Variants in FRRS1L observed in about 807,000 individuals in gnomAD.
The protein encoded by FRRS1L is ferric chelate reductase 1 like.
A neutral mutation model predicts 28.6 loss-of-function variants in FRRS1L; 22 were observed. The ratio of observed to expected loss-of-function variants is 0.77; its 90% CI spans 0.55 to 1.10. FRRS1L has a LOEUF of 1.10. Among genes scored for constraint, FRRS1L ranks in the 50% least tolerant of loss-of-function variants. The pLI is 0.00. For missense variants in FRRS1L, 380 were observed against 386.9 expected (o/e 0.98, Z 0.15); for synonymous variants, 158 against 151.4 (o/e 1.04, Z -0.32).
At chr9:109,164,735 G>A (rs1481387026) in intron 1 of FRRS1L, among the ~76,000 whole-genome samples, 1 of 152,188 alleles carries the variant, frequency 6.6e-6, no homozygotes, top group Non-Finnish European at 1.5e-5. Flanking sequence ...CAGGTTAGAG[G>A]CAGACTTCAG....
rs1831066716 is a variant in FRRS1L at position 109,132,221 on chromosome 9, C to T, written c.*5234G>A. The T allele has an allele frequency of 6.6e-6, 1 of 152,224 alleles. No individual in the cohort carries two copies. The highest frequency in any genetic ancestry group is 2.4e-5 in the African/African-American group (1 of 41,426). 9.4% of individuals were successfully genotyped at this position (152,224 alleles called of 1,614,324 possible). Reference sequence around the variant, plus strand: ...CGATCTCCTGATCTCGTGATCCGCCCACCTCGGCCTCCCGAAGTGCTGGGA... The same window carrying T: ...CGATCTCCTGATCTCGTGATCCGCCTACCTCGGCCTCCCGAAGTGCTGGGA... On this transcript the variant is annotated 3_prime_UTR_variant, in exon 5 of 5. Coordinates refer to ENST00000561981, the MANE Select transcript of FRRS1L (RefSeq NM_014334.4).
chr9:109,164,560 G>A (rs949565123), intron 1 of FRRS1L, among the ~76,000 whole-genome samples: 4 of 151,894 alleles, frequency 2.6e-5, no homozygotes, highest in Admixed American at 6.6e-5. Context: ...CACCACGCCC[G>A]GCTAATTTTG....
chr9:109,144,173 A>G (rs1831224018), intron 3 of FRRS1L, among the ~76,000 whole-genome samples: 1 of 151,980 alleles, frequency 6.6e-6, no homozygotes, highest in Admixed American at 6.5e-5. Context: ...AAGTAGACTA[A>G]TATCTATCCA....
intron 3 of FRRS1L, among the ~76,000 whole-genome samples, chr9:109,146,221 A>T (rs1831260303): frequency 6.6e-6 from 1 of 151,900 alleles, no homozygotes; most frequent in South Asian, 2.1e-4. Context: ...ACAAACAAAT[A>T]AATTAAATAA....
chr9:109,140,288 C>A (rs1343970634), intron 4 of FRRS1L: 1 of 152,182 alleles, frequency 6.6e-6, no homozygotes, highest in African/African-American at 2.4e-5. Context: ...CCTGTCTCTA[C>A]TAAAAATACA....
chr9:109,155,108 A>G (rs1281626069), intron 1 of FRRS1L, among the ~76,000 whole-genome samples: 1 of 152,158 alleles, frequency 6.6e-6, no homozygotes, highest in Non-Finnish European at 1.5e-5. Flanking sequence ...CCACAGCTCC[A>G]CTGCATTAGC....
At position 109,160,293 on chromosome 9, in the gene FRRS1L, T is replaced by G. The variant is rs191817160; in HGVS notation, c.238+6608A>C. Among the ~76,000 whole-genome samples, 330 of 152,324 alleles carry G rather than the reference T, an allele frequency of 2.2e-3. 1 individual carries two copies. Among genetic ancestry groups the G allele is most frequent in the Non-Finnish European group, 3.6e-3 (246 of 68,026 alleles). ...CCCAAAAGCTATCGTCCTATGTTTC[T>G]TATCTTAGTGGATAATCCCACTAGC... On this transcript the variant is annotated intron_variant, in intron 1 of 4. Transcript: ENST00000561981.
Position 109,146,242 on chromosome 9 carries a change from A to AAATG in FRRS1L, c.462+805_462+808dup, listed in dbSNP as rs547302070. Among the ~76,000 whole-genome samples the AAATG allele has an allele frequency of 4.4e-4, 67 of 152,286 alleles. No homozygotes were observed. In the East Asian group the frequency reaches 0.012, roughly 28 times the overall value. ...AAATAAATTAAATAAATAAATAAAT[A>AAATG]AATGAGTAAAGTGTTTCTCTGAGTT... is the stretch of plus-strand genomic sequence containing the variant. On this transcript the variant is annotated intron_variant, in intron 3 of 4. Transcript: ENST00000561981.
chr9:109,144,714 A>C (rs1396526100), intron 3 of FRRS1L, among the ~76,000 whole-genome samples: 3 of 150,434 alleles, frequency 2.0e-5, no homozygotes, highest in South Asian at 4.2e-4. Flanking sequence ...ACGGAGTTTC[A>C]TTCTCGTTGC....
chr9:109,135,031 T>C lies in FRRS1L; in HGVS notation c.*2424A>G. 1 of 152,230 alleles carries C rather than the reference T, an allele frequency of 6.6e-6. No homozygotes were observed. Among genetic ancestry groups the C allele is most frequent in the East Asian group, 1.9e-4 (1 of 5,194 alleles). 9.4% of individuals were successfully genotyped at this position (152,230 alleles called of 1,614,324 possible). A position where few individuals can be genotyped will look rare whatever the true frequency, so the allele number is the denominator to read the frequency against. ...TCATTTAATTTCTCCCCATCTGCAA[T>C]GAACAGAATTTCTCCTCCATCCCTC... On this transcript the variant is annotated 3_prime_UTR_variant, in exon 5 of 5. Transcript: ENST00000561981.
At chr9:109,146,185 G>A (rs1366010574) in intron 3 of FRRS1L, among the ~76,000 whole-genome samples, 3 of 151,932 alleles carry the variant, frequency 2.0e-5, no homozygotes, top group Non-Finnish European at 2.9e-5. Context: ...CAACAAGAGC[G>A]AAACTCTATC....
At chr9:109,162,947 G>A (rs1342268125) in intron 1 of FRRS1L, among the ~76,000 whole-genome samples, 1 of 152,156 alleles carries the variant, frequency 6.6e-6, no homozygotes, top group Non-Finnish European at 1.5e-5. Flanking sequence ...AAAGATAAGT[G>A]ACCATAAATG....
At chr9:109,163,035 A>G (rs4978774) in intron 1 of FRRS1L, among the ~76,000 whole-genome samples, 115,557 of 152,190 alleles carry the variant, frequency 0.76, 43,988 homozygotes, top group Admixed American at 0.81. Flanking sequence ...AGCTGGCTGG[A>G]TTAAGACTGA....
At chr9:109,144,748 A>C (rs534334938) in intron 3 of FRRS1L, among the ~76,000 whole-genome samples, 4 of 151,678 alleles carry the variant, frequency 2.6e-5, no homozygotes, top group African/African-American at 9.7e-5. Context: ...CAATGGCACG[A>C]TCTCAGCTCG....
rs1206672209 is a variant in FRRS1L, at chr9:109,135,121, T to C, written c.*2334A>G. 6.6e-6 allele frequency: 1 copy of C among 152,214 alleles called. No homozygotes were observed. Among genetic ancestry groups the C allele is most frequent in the African/African-American group, 2.4e-5 (1 of 41,458 alleles). The allele number at this position is 152,214 out of a possible 1,614,324, so 9.4% of individuals were successfully genotyped here. ...TTATTTTGGTTCAACTCCAGGAGAA[T>C]GTGAAAGCTCTCCCCACAGGCAGAC... On this transcript the variant is annotated 3_prime_UTR_variant, in exon 5 of 5. Coordinates refer to ENST00000561981, the MANE Select transcript of FRRS1L (RefSeq NM_014334.4).
chr9:109,144,930 C>T (rs1027557606), intron 3 of FRRS1L, among the ~76,000 whole-genome samples: 2 of 152,180 alleles, frequency 1.3e-5, no homozygotes, highest in Admixed American at 6.5e-5. Context: ...GGCGATCCAC[C>T]TGCCTTGGCC....
chr9:109,147,080 C>G lies in FRRS1L; in HGVS notation c.433G>C (p.Ala145Pro). 6.2e-7 allele frequency: 1 copy of G among 1,613,988 alleles called. No individual in the cohort carries two copies. The highest frequency in any genetic ancestry group is 8.5e-7 in the Non-Finnish European group (1 of 1,179,844). ...TTCTTGTCTGAAGAGAATCCAACTG[C>G]TACCCAACCATCTGTGTCTGCACTC... is the stretch of plus-strand genomic sequence containing the variant. The part of the protein sequence containing the change: ...ELSADTDGWV[A>P]VGFSSDKKMG... Residue 145 changes from alanine to proline, a missense_variant, in exon 3 of 5, where the codon GCA (alanine) becomes CCA (proline). Ala to Pro is a conservative substitution (Grantham distance 27). Coordinates refer to ENST00000561981, the MANE Select transcript of FRRS1L (RefSeq NM_014334.4).
chr9:109,161,387 A>G (rs536813746), intron 1 of FRRS1L, among the ~76,000 whole-genome samples: 16 of 152,224 alleles, frequency 1.1e-4, no homozygotes, highest in African/African-American at 3.9e-4. Flanking sequence ...GGGTGTATCA[A>G]TTCTTCTCCT....
rs1365062157 is a variant in FRRS1L at position 109,136,936 on chromosome 9, T to G, written c.*519A>C. 6.6e-6 allele frequency: 1 copy of G among 152,260 alleles called. No homozygotes were observed. Among genetic ancestry groups the G allele is most frequent in the Non-Finnish European group, 1.5e-5 (1 of 68,056 alleles). The allele number at this position is 152,260 out of a possible 1,614,324, so 9.4% of individuals were successfully genotyped here. The stretch of plus-strand genomic sequence containing the variant: ...TGCTTTACGGAAATTTGAAATTTCT[T>G]CTGCCCAAAAGGCTGACTGTGAACT... On this transcript the variant is annotated 3_prime_UTR_variant, in exon 5 of 5. Transcript: ENST00000561981.
Sources: allele counts gnomAD v4.1 joint callset (sites outside exome capture counted in the v4.1 genomes callset), GRCh38; gene constraint gnomAD v4.1.1; transcripts MANE v1.5; gene names NCBI Gene and HGNC (gene_info 2026-07-23, HGNC 2026-07-21).